Variants in KIF14 observed in about 807,000 individuals in gnomAD.
The protein encoded by KIF14 is kinesin family member 14.
In KIF14, 98 loss-of-function variants were observed where a neutral mutation model predicts 176.2. The ratio of observed to expected loss-of-function variants is 0.56; its 90% CI spans 0.47 to 0.66. The LOEUF is 0.66. Among genes scored for constraint, KIF14 ranks in the 30% least tolerant of loss-of-function variants. The pLI is 0.00. For missense variants in KIF14, 1,751 were observed against 1,920.4 expected (o/e 0.91, Z 1.65); for synonymous variants, 566 against 632.2 (o/e 0.90, Z 1.57).
Position 200,598,463 on chromosome 1 carries a change from T to G in KIF14, c.2365-42A>C, listed in dbSNP as rs200319945. 1.2e-5 allele frequency: 18 copies of G among 1,498,834 alleles called. No homozygotes were observed. The East Asian group carries it at 3.9e-4, about 32-fold the overall frequency. 92.8% of individuals were successfully genotyped at this position (1,498,834 alleles called of 1,614,324 possible). A position where few individuals can be genotyped will look rare whatever the true frequency, so the allele number is the denominator to read the frequency against. Reference sequence around the variant, plus strand: ...AAAGAAATTAATCTTAATCACAGTATGAAATTGTTAAATTCACCTAAAACA... The same window carrying G: ...AAAGAAATTAATCTTAATCACAGTAGGAAATTGTTAAATTCACCTAAAACA... On this transcript the variant is annotated intron_variant, in intron 13 of 29. Transcript: ENST00000367350.
rs1553264035 is a variant in KIF14, at chr1:200,618,477, T to TAGG, written c.244_246dup (p.Pro82dup). 3.1e-6 allele frequency: 5 copies of TAGG among 1,614,200 alleles called. No individual in the cohort carries two copies. The highest frequency in any genetic ancestry group is 4.2e-6 in the Non-Finnish European group (5 of 1,180,022). ...TGAAGTGCCAATCTACCTACAGGATTAGGGGTAAGGGGCATGTCTGCTGTT... is the reference window on the plus strand; with the variant it reads ...TGAAGTGCCAATCTACCTACAGGATTAGGAGGGGTAAGGGGCATGTCTGCTGTT... On this transcript the variant is annotated inframe_insertion, in exon 2 of 30. Coordinates refer to ENST00000367350, the MANE Select transcript of KIF14 (RefSeq NM_014875.3).
rs368064643 is a variant in KIF14 at position 200,606,740 on chromosome 1, A to C, written c.1607+6T>G. 28 of 1,612,526 alleles carry C rather than the reference A, an allele frequency of 1.7e-5. No homozygotes were observed. Among genetic ancestry groups the C allele is most frequent in the Non-Finnish European group, 2.3e-5 (27 of 1,178,918 alleles). On this transcript the variant is annotated splice_donor_region_variant and intron_variant, in intron 6 of 29. Coordinates refer to ENST00000367350, the MANE Select transcript of KIF14 (RefSeq NM_014875.3). ...CCTCTTTGCCCTTGCTGAGCCAAAT[A>C]CTTACATTGACAGTGCTTCAACATA...
chr1:200,576,912 C>T (rs943129236), intron 21 of KIF14, among the ~76,000 whole-genome samples: 1 of 151,314 alleles, frequency 6.6e-6, no homozygotes, highest in South Asian at 2.1e-4. Flanking sequence ...ATAGGGCAAC[C>T]TTGACCTTCC....
intron 23 of KIF14, among the ~76,000 whole-genome samples, 173 bp downstream of exon 23, chr1:200,569,736 CAG>C (rs1383846170): frequency 1.3e-5 from 2 of 152,154 alleles, no homozygotes; most frequent in African/African-American, 4.8e-5. Flanking sequence ...AAATAAATCA[CAG>C]AGCACAGAAT....
chr1:200,575,773 T>C, intron 21 of KIF14, 82 bp from the exon 22 acceptor site: 1 of 691,204 alleles, frequency 1.4e-6, no homozygotes, highest in Non-Finnish European at 2.3e-6. Flanking sequence ...ATTAAATCCT[T>C]TGTTACATTT....
In KIF14 at chr1:200,601,448, T is replaced by C. The variant is rs201287775; in HGVS notation, c.2152+448A>G. Among the ~76,000 whole-genome samples the C allele has an allele frequency of 3.9e-5, 6 of 152,224 alleles. No individual in the cohort carries two copies. In the East Asian group the frequency reaches 1.2e-3, roughly 29 times the overall value. On this transcript the variant is annotated intron_variant, in intron 11 of 29. Coordinates refer to ENST00000367350, the MANE Select transcript of KIF14 (RefSeq NM_014875.3). ...AAATTGATGATTACCTAGAGATAAA[T>C]AGAAAGCAGTATTTAGCATAAATGA...
Position 200,598,368 on chromosome 1 carries a change from C to A in KIF14, c.2418G>T (p.Leu806=), listed in dbSNP as rs149890102. Residue 806 remains leucine, a synonymous_variant, in exon 14 of 30, where the codon CTG becomes CTT. Transcript: ENST00000367350. ...TCTCAGATAGTTGTGGATCTTCATTCAGATTAACAAGGTTTGGTAAATGAT... is the reference window on the plus strand; with the variant it reads ...TCTCAGATAGTTGTGGATCTTCATTAAGATTAACAAGGTTTGGTAAATGAT... ...MDNHLPNLVN[L]NEDPQLSEML... is the part of the protein sequence containing the mutation. The A allele has an allele frequency of 1.0e-4, 162 of 1,612,138 alleles. 3 individuals carry two copies. In the East Asian group the frequency reaches 3.5e-3, roughly 35 times the overall value.
chr1:200,561,233 AAAAAAAAAAAAG>A, intron 25 of KIF14, among the ~76,000 whole-genome samples: 1 of 140,398 alleles, frequency 7.1e-6, no homozygotes, highest in African/African-American at 2.9e-5. Flanking sequence ...CCATCTTAAA[AAAAAAAAAAAAG>A]AAAAAGAAAA....
intron 25 of KIF14, among the ~76,000 whole-genome samples, chr1:200,562,808 T>C (rs1657235304): frequency 6.6e-6 from 1 of 151,950 alleles, no homozygotes; most frequent in Admixed American, 6.6e-5. Context: ...AGTCATCCTA[T>C]TTCCTCATTA....
chr1:200,592,566 G>A (rs1299091108), intron 15 of KIF14, among the ~76,000 whole-genome samples: 1 of 152,066 alleles, frequency 6.6e-6, no homozygotes, highest in Non-Finnish European at 1.5e-5. Flanking sequence ...AGTAGAGATG[G>A]GGTTTCACCA....
At chr1:200,589,503 A>G in intron 17 of KIF14, 134 bp from the exon 18 acceptor site, 1 of 658,600 alleles carries the variant, frequency 1.5e-6, no homozygotes, top group Non-Finnish European at 2.4e-6. Flanking sequence ...TCTCCACTTC[A>G]TTCAGGTTAA....
In KIF14 at chr1:200,600,443, G is replaced by C; in HGVS notation, c.2213C>G (p.Pro738Arg). 1 of 1,613,648 alleles carries C rather than the reference G, an allele frequency of 6.2e-7. No homozygotes were observed. Among genetic ancestry groups the C allele is most frequent in the African/African-American group, 1.3e-5 (1 of 75,030 alleles). ...TTGCCGACAGAGCCTGTATCGTTCA[G>C]GGTCAATATTCCGACTGTTTCTCTG... ...AAQRNSRNID[P>R]ERYRLCRQEI... Residue 738 changes from proline (P) to arginine (R), a missense_variant, in exon 12 of 30, where the codon CCT becomes CGT. Coordinates refer to ENST00000367350, the MANE Select transcript of KIF14 (RefSeq NM_014875.3).
At position 200,592,142 on chromosome 1, in the gene KIF14, T is replaced by G. The variant is rs769415552; in HGVS notation, c.2751A>C (p.Ile917=). The G allele has an allele frequency of 5.6e-6, 9 of 1,613,760 alleles. No homozygotes were observed. Among genetic ancestry groups the G allele is most frequent in the South Asian group, 5.5e-5 (5 of 91,066 alleles). ...ATTCAAAGTCTTTTGGACCCTCACT[T>G]ATAGGAGTATCTCTTCCAGATGGCC... ...GKRPSGRDTP[I]SEGPKDFEFA... is the part of the protein sequence containing the mutation. Residue 917 remains isoleucine (I), a synonymous_variant, in exon 16 of 30, where the codon ATA becomes ATC. Coordinates refer to ENST00000367350, the MANE Select transcript of KIF14 (RefSeq NM_014875.3).
intron 11 of KIF14, among the ~76,000 whole-genome samples, chr1:200,601,250 G>A (rs797002976): frequency 1.3e-5 from 2 of 152,266 alleles, no homozygotes; most frequent in African/African-American, 4.8e-5. Flanking sequence ...GGGAAAGGAT[G>A]GACCAGGATA....
At position 200,615,347 on chromosome 1, in the gene KIF14, C is replaced by A. The variant is rs114625312; in HGVS notation, c.1367+8G>T. On this transcript the variant is annotated splice_region_variant and intron_variant, in intron 3 of 29. Transcript: ENST00000367350. ...CTTCTGGATAATTGCATTTCCAATA[C>A]AACTTACGTATATGATTTTCCAGAG... 2.5e-6 allele frequency: 4 copies of A among 1,606,224 alleles called. No individual in the cohort carries two copies. In the African/African-American group the frequency reaches 5.4e-5, roughly 22 times the overall value.
At position 200,603,834 on chromosome 1, in the gene KIF14, T is replaced by C; in HGVS notation, c.1863+5A>G. 1 of 1,547,340 alleles carries C rather than the reference T, an allele frequency of 6.5e-7. No individual in the cohort carries two copies. The highest frequency in any genetic ancestry group is 2.2e-5 in the East Asian group (1 of 44,536). On this transcript the variant is annotated splice_donor_5th_base_variant and intron_variant, in intron 9 of 29. Coordinates refer to ENST00000367350, the MANE Select transcript of KIF14 (RefSeq NM_014875.3). ...CATCAAAAGGAGAAAAAGCATTCCATTTACCTTTAGTCGATCTCCATTAGT... is the reference window on the plus strand; with the variant it reads ...CATCAAAAGGAGAAAAAGCATTCCACTTACCTTTAGTCGATCTCCATTAGT...
chr1:200,616,971 T>C (rs905705798), intron 2 of KIF14, among the ~76,000 whole-genome samples: 1 of 152,056 alleles, frequency 6.6e-6, no homozygotes, highest in East Asian at 1.9e-4. Context: ...TAATTTGTTA[T>C]GGCTCTTCTT....
Position 200,565,640 on chromosome 1 carries a change from A to G in KIF14, c.3691T>C (p.Ser1231Pro). Reference sequence around the variant, plus strand: ...GGAAGAAAGGACTCTGCTGAATTTGAGTAAATAGTGCTTGATTTGTCCATT... The same window carrying G: ...GGAAGAAAGGACTCTGCTGAATTTGGGTAAATAGTGCTTGATTTGTCCATT... ...GLMDKSSTIY[S>P]NSAESFLPGI... The change falls in exon 24 of 30, where the codon TCA becomes CCA. Residue 1231 changes from serine to proline, a missense_variant. By Grantham distance (74) the Ser-to-Pro change is moderately conservative (BLOSUM62 -1). Coordinates refer to ENST00000367350, the MANE Select transcript of KIF14 (RefSeq NM_014875.3). The G allele has an allele frequency of 6.2e-7, 1 of 1,602,962 alleles. No individual in the cohort carries two copies. The highest frequency in any genetic ancestry group is 1.1e-5 in the South Asian group (1 of 88,242).
At chr1:200,558,876 T>C (rs549329648) in intron 27 of KIF14, among the ~76,000 whole-genome samples, 1 of 152,358 alleles carries the variant, frequency 6.6e-6, no homozygotes, top group East Asian at 1.9e-4. Context: ...AGGAAATCAC[T>C]GAAATGCTTA....
Sources: gnomAD v4.1 joint callset for allele counts (sites outside exome capture counted in the v4.1 genomes callset) on GRCh38, gnomAD v4.1.1 for gene constraint, MANE v1.5 for transcripts, NCBI Gene and HGNC (gene_info 2026-07-23, HGNC 2026-07-21) for gene names.